Variants in PARP12 observed in about 807,000 individuals in gnomAD.
The protein encoded by PARP12 is protein mono-ADP-ribosyltransferase PARP12.
PARP12 carries 59 observed loss-of-function variants against 72.4 expected under a neutral mutation model. The observed-to-expected ratio is 0.81, with a 90% CI of 0.66 to 1.01. PARP12 has a LOEUF of 1.01. PARP12 is among the 50% of genes least tolerant of loss of function. The probability of loss-of-function intolerance (pLI) is 0.00; values close to 1 mark genes in which losing one functional copy is unlikely to be tolerated. For synonymous variants in PARP12, 403 were observed against 371.4 expected (o/e 1.09, Z -0.98); for missense variants, 851 against 914.0 (o/e 0.93, Z 0.89).
At position 140,031,779 on chromosome 7, in the gene PARP12, C is replaced by G. The variant is rs145556583; in HGVS notation, c.1421+2456G>C. Among the ~76,000 whole-genome samples, 1,171 of 152,262 alleles carry G rather than the reference C, an allele frequency of 7.7e-3. 5 individuals carry two copies. Among genetic ancestry groups the G allele is most frequent in the Non-Finnish European group, 0.013 (906 of 68,028 alleles). On this transcript the variant is annotated intron_variant, in intron 8 of 11. Coordinates refer to ENST00000263549, the MANE Select transcript of PARP12 (RefSeq NM_022750.4). ...CAGAAAGCAGAGAGACTTTTCCAAA[C>G]CTTGTCTAGGGTAGGCTTTGTATAG...
intron 7 of PARP12, among the ~76,000 whole-genome samples, chr7:140,037,170 A>G (rs980907440): frequency 1.3e-5 from 2 of 152,194 alleles, no homozygotes; most frequent in Non-Finnish European, 2.9e-5. Flanking sequence ...GAAAAATACA[A>G]AAAATTAGCC....
chr7:140,046,152 T>C (rs370350890), intron 5 of PARP12, among the ~76,000 whole-genome samples: 140 of 152,224 alleles, frequency 9.2e-4, no homozygotes, highest in Non-Finnish European at 6.6e-4. Context: ...AAAAGAAAGA[T>C]TGGGGTGGTA....
intron 7 of PARP12, chr7:140,034,758 AT>A (rs1304697075): frequency 6.2e-6 from 1 of 161,554 alleles, no homozygotes; most frequent in African/African-American, 2.4e-5. Context: ...CTATGGCAGT[AT>A]TCATCAACCT....
chr7:140,041,979 G>A (rs1816494681), intron 5 of PARP12, 140 bp from the exon 6 acceptor site: 5 of 671,242 alleles, frequency 7.4e-6, no homozygotes, highest in South Asian at 4.0e-5. Context: ...AGAGGTAGAG[G>A]AAACTGCTTT....
chr7:140,040,146 G>C (rs1816401315), intron 6 of PARP12, among the ~76,000 whole-genome samples: 1 of 152,090 alleles, frequency 6.6e-6, no homozygotes, highest in South Asian at 2.1e-4. Flanking sequence ...TAAGTGTGTT[G>C]CGCCTGCCAT....
chr7:140,046,191 G>A (rs1026136274), intron 5 of PARP12, among the ~76,000 whole-genome samples: 2 of 152,230 alleles, frequency 1.3e-5, no homozygotes, highest in Admixed American at 6.5e-5. Context: ...CCTAACAGGA[G>A]TAATTGGTTT....
At chr7:140,039,015 T>C (rs1301269868) in intron 6 of PARP12, among the ~76,000 whole-genome samples, 1 of 152,194 alleles carries the variant, frequency 6.6e-6, no homozygotes, top group Non-Finnish European at 1.5e-5. Context: ...AAAAGATGCC[T>C]GAGCCAAGGC....
rs781048651 is a variant in PARP12 at position 140,041,803 on chromosome 7, A to C, written c.1023T>G (p.Ser341=). The change falls in exon 6 of 12, where the codon TCT becomes TCG. Residue 341 remains serine (S), a synonymous_variant. Transcript: ENST00000263549. ...LCSESASTFH[S]HCLNFNAMTY... ...TCATGGCGTTAAAGTTCAGACAATG[A>C]GAGTGAAAGGTACTGGCTGACTCAG... 2 of 1,614,008 alleles carry C rather than the reference A, an allele frequency of 1.2e-6. No homozygotes were observed. The highest frequency in any genetic ancestry group is 1.3e-5 in the African/African-American group (1 of 74,906).
At chr7:140,041,096 G>A (rs529339876) in intron 6 of PARP12, among the ~76,000 whole-genome samples, 1 of 152,202 alleles carries the variant, frequency 6.6e-6, no homozygotes, top group Non-Finnish European at 1.5e-5. Context: ...AGTGACCAGG[G>A]GACTCCCTTT....
intron 5 of PARP12, among the ~76,000 whole-genome samples, chr7:140,044,423 G>A (rs1759637731): frequency 6.6e-6 from 1 of 152,152 alleles, no homozygotes. Flanking sequence ...GACAATGGAG[G>A]CTGAGATTGG....
At chr7:140,040,950 T>C (rs1185851073) in intron 6 of PARP12, among the ~76,000 whole-genome samples, 1 of 152,150 alleles carries the variant, frequency 6.6e-6, no homozygotes, top group Non-Finnish European at 1.5e-5. Flanking sequence ...GTATTTTTAG[T>C]AGAGATGGGG....
In PARP12 at chr7:140,057,438, C is replaced by A. The variant is rs542931447; in HGVS notation, c.463-285G>T. On this transcript the variant is annotated intron_variant, in intron 2 of 11. Coordinates refer to ENST00000263549, the MANE Select transcript of PARP12 (RefSeq NM_022750.4). ...GCTGCTCCTTTCACATGAGACAATG[C>A]AAATCAAATGGCTACATCCTAAGGA... 58 of 473,134 alleles carry A rather than the reference C, an allele frequency of 1.2e-4. No homozygotes were observed. In the East Asian group the frequency reaches 2.1e-3, roughly 17 times the overall value. 29.3% of individuals were successfully genotyped at this position (473,134 alleles called of 1,614,324 possible).
At chr7:140,039,238 G>GAGGAA (rs139773464) in intron 6 of PARP12, among the ~76,000 whole-genome samples, 2,584 of 152,300 alleles carry the variant, frequency 0.017, 33 homozygotes, top group Non-Finnish European at 0.027. Context: ...CTGACAACAA[G>GAGGAA]AGGAAAGGAA....
intron 3 of PARP12, among the ~76,000 whole-genome samples, chr7:140,056,357 A>G (rs941219561): frequency 6.6e-6 from 1 of 152,240 alleles, no homozygotes; most frequent in Admixed American, 6.5e-5. Flanking sequence ...CAAATTTACA[A>G]TGGCTCAAAA....
Position 140,046,580 on chromosome 7 carries a change from G to T in PARP12, c.986+304C>A, listed in dbSNP as rs527672625. ...CCAAACAATTGAGAACTTAATACTTGGTCTTGGTACCATCTTCTCCTTTCC... is the reference window on the plus strand; with the variant it reads ...CCAAACAATTGAGAACTTAATACTTTGTCTTGGTACCATCTTCTCCTTTCC... On this transcript the variant is annotated intron_variant, in intron 5 of 11. Transcript: ENST00000263549. 3.5e-4 allele frequency among the ~76,000 whole-genome samples: 54 copies of T among 152,324 alleles called. 1 individual carries two copies. Among genetic ancestry groups the T allele is most frequent in the Middle Eastern group, 3.4e-3 (1 of 294 alleles).
intron 11 of PARP12, chr7:140,025,480 C>T (rs1035512862): frequency 4.8e-5 from 20 of 419,190 alleles, no homozygotes; most frequent in Admixed American, 1.1e-4. Context: ...GACTGCTGGG[C>T]AGAAAATGTT....
In PARP12 at chr7:140,057,169, G is replaced by GA. The variant is rs781664911; in HGVS notation, c.463-17dup. On this transcript the variant is annotated splice_polypyrimidine_tract_variant and intron_variant, in intron 2 of 11. Coordinates refer to ENST00000263549, the MANE Select transcript of PARP12 (RefSeq NM_022750.4). ...GTTGGCAAATCTGTTGACAGAGAGG[G>GA]AAAAAACCACCAGTTCAGGAAGGTC... 3.1e-6 allele frequency: 5 copies of GA among 1,600,312 alleles called. No individual in the cohort carries two copies. Among genetic ancestry groups the GA allele is most frequent in the Admixed American group, 1.7e-5 (1 of 57,502 alleles).
chr7:140,032,803 T>TA (rs1427174050), intron 8 of PARP12, among the ~76,000 whole-genome samples: 1 of 151,910 alleles, frequency 6.6e-6, no homozygotes, highest in Non-Finnish European at 1.5e-5. Flanking sequence ...AAGAGAAACA[T>TA]AAAAAAGAGA....
chr7:140,055,560 CCT>C (rs1460487928), intron 3 of PARP12, among the ~76,000 whole-genome samples: 7 of 152,134 alleles, frequency 4.6e-5, no homozygotes, highest in Non-Finnish European at 8.8e-5. Flanking sequence ...TTTATAAGCC[CCT>C]GAGATACTTC....
Sources: gnomAD v4.1 joint callset for allele counts (sites outside exome capture counted in the v4.1 genomes callset) on GRCh38, gnomAD v4.1.1 for gene constraint, MANE v1.5 for transcripts, NCBI Gene and HGNC (gene_info 2026-07-23, HGNC 2026-07-21) for gene names.